INVS: variants seen among roughly 807,000 people sequenced by gnomAD.
INVS encodes inversion of embryo turning homolog.
In INVS, 86 loss-of-function variants were observed where a neutral mutation model predicts 108.8. The observed-to-expected ratio is 0.79, with a 90% CI of 0.66 to 0.95. The LOEUF (loss-of-function observed/expected upper bound fraction) is 0.95. Among genes scored for constraint, INVS ranks in the 40% least tolerant of loss-of-function variants. The probability of loss-of-function intolerance (pLI) is 0.00; values close to 1 mark genes in which losing one functional copy is unlikely to be tolerated. For synonymous variants in INVS, 455 were observed against 473.5 expected (o/e 0.96, Z 0.51); for missense variants, 1,169 against 1,297.4 (o/e 0.90, Z 1.52).
At chr9:100,267,019 TAAAAAAAAAAAAAAAA>T (rs11415703) in intron 11 of INVS, among the ~76,000 whole-genome samples, 1 of 93,124 alleles carries the variant, frequency 1.1e-5, no homozygotes, top group Non-Finnish European at 2.0e-5. Flanking sequence ...TTTGAAACTC[TAAAAAAAAAAAAAAAA>T]AAAAAAAAGA....
At chr9:100,289,790 T>C (rs943100509) in intron 13 of INVS, among the ~76,000 whole-genome samples, 1 of 152,254 alleles carries the variant, frequency 6.6e-6, no homozygotes, top group Non-Finnish European at 1.5e-5. Flanking sequence ...TCTTGGTTGC[T>C]TCCATGTTTT....
intron 3 of INVS, among the ~76,000 whole-genome samples, chr9:100,178,458 C>A (rs533251274): frequency 6.6e-6 from 1 of 151,948 alleles, no homozygotes; most frequent in Non-Finnish European, 1.5e-5. Context: ...CCTGATGGAG[C>A]TAAAAAAACA....
At chr9:100,116,759 G>A (rs1168121103) in intron 2 of INVS, 2 of 1,333,072 alleles carry the variant, frequency 1.5e-6, no homozygotes, top group African/African-American at 2.9e-5. Flanking sequence ...AAAACCCTAT[G>A]TTGTAGCCAC....
At chr9:100,228,752 G>A (rs557115359) in intron 4 of INVS, among the ~76,000 whole-genome samples, 49 of 152,262 alleles carry the variant, frequency 3.2e-4, no homozygotes, top group East Asian at 9.6e-4. Context: ...CTTAGGTTCC[G>A]TGTGCTGTTT....
chr9:100,127,740 T>A (rs1387692256), intron 3 of INVS, among the ~76,000 whole-genome samples: 2 of 152,194 alleles, frequency 1.3e-5, no homozygotes, highest in Non-Finnish European at 2.9e-5. Flanking sequence ...GTTAGGTCTG[T>A]CAGGTTATTT....
At chr9:100,117,853 G>T (rs1412991415) in intron 2 of INVS, among the ~76,000 whole-genome samples, 5 of 151,974 alleles carry the variant, frequency 3.3e-5, no homozygotes, top group Non-Finnish European at 5.9e-5. Flanking sequence ...TGAGGGTTTA[G>T]CCCTCGTGAA....
intron 3 of INVS, chr9:100,131,914 G>A (rs775854196): frequency 4.0e-5 from 39 of 982,928 alleles, no homozygotes; most frequent in South Asian, 9.4e-5. Flanking sequence ...ACAAAAAGGA[G>A]AAAGAATACC....
At chr9:100,257,799 C>T (rs1473731622) in intron 10 of INVS, among the ~76,000 whole-genome samples, 1 of 152,206 alleles carries the variant, frequency 6.6e-6, no homozygotes. Context: ...ATGGGCTTCC[C>T]TTTGTGGGTA....
Position 100,269,173 on chromosome 9 carries a change from T to C in INVS, c.1572-3691T>C, listed in dbSNP as rs114686436. 8.0e-3 allele frequency among the ~76,000 whole-genome samples: 1,218 copies of C among 152,298 alleles called. 7 individuals are homozygous for C. The highest frequency in any genetic ancestry group is 0.028 in the African/African-American group (1,162 of 41,564). ...TATCTTAGTTCTAGTCTGCATTCTATAGAAACAATTTACATAACCTTTGGT... is the reference window on the plus strand; with the variant it reads ...TATCTTAGTTCTAGTCTGCATTCTACAGAAACAATTTACATAACCTTTGGT... On this transcript the variant is annotated intron_variant, in intron 11 of 16. Coordinates refer to ENST00000262457, the MANE Select transcript of INVS (RefSeq NM_014425.5).
chr9:100,213,918 G>A (rs1203592610), intron 3 of INVS, among the ~76,000 whole-genome samples: 1 of 152,118 alleles, frequency 6.6e-6, no homozygotes, highest in Non-Finnish European at 1.5e-5. Context: ...TGCATTCTTG[G>A]CATACCCAGT....
intron 3 of INVS, among the ~76,000 whole-genome samples, chr9:100,165,348 A>G (rs1396572718): frequency 4.6e-5 from 7 of 152,154 alleles, no homozygotes; most frequent in Admixed American, 3.9e-4. Flanking sequence ...GATGTTAACA[A>G]TTAGTGGTGC....
intron 3 of INVS, 76 bp from the exon 4 acceptor site, chr9:100,225,986 T>C: frequency 9.7e-7 from 1 of 1,030,916 alleles, no homozygotes; most frequent in South Asian, 1.5e-5. Flanking sequence ...TTAACATACT[T>C]AAAACATTTT....
chr9:100,292,028 T>C (rs1833632367), intron 13 of INVS, among the ~76,000 whole-genome samples: 1 of 152,184 alleles, frequency 6.6e-6, no homozygotes, highest in Non-Finnish European at 1.5e-5. Context: ...ACATACTTAA[T>C]TGCTTTGATT....
intron 3 of INVS, among the ~76,000 whole-genome samples, chr9:100,146,660 T>G (rs747455143): frequency 1.3e-5 from 2 of 152,230 alleles, no homozygotes; most frequent in Non-Finnish European, 2.9e-5. Context: ...ATTTAATTAT[T>G]AAATTTTTTA....
chr9:100,281,734 C>A (rs1394185109), intron 12 of INVS, among the ~76,000 whole-genome samples: 1 of 144,364 alleles, frequency 6.9e-6, no homozygotes, highest in Non-Finnish European at 1.5e-5. Context: ...TGAAAAATCA[C>A]CCCCCTGGTA....
chr9:100,252,931 A>AC lies in INVS; in HGVS notation c.1261dup (p.Gln421ProfsTer17). The AC allele has an allele frequency of 6.2e-7, 1 of 1,613,474 alleles. No individual in the cohort carries two copies. Among genetic ancestry groups the AC allele is most frequent in the East Asian group, 2.2e-5 (1 of 44,858 alleles). ...GGTGGAGCAAGGGTAGATCTAGTTG[A>AC]CCAAGATGGACATTCTCTTCTACAT... On this transcript the variant is annotated frameshift_variant, in exon 10 of 17. Transcript: ENST00000262457. LOFTEE classifies it high-confidence loss of function.
intron 3 of INVS, among the ~76,000 whole-genome samples, chr9:100,203,081 A>G (rs915739879): frequency 6.6e-6 from 1 of 152,230 alleles, no homozygotes; most frequent in Non-Finnish European, 1.5e-5. Flanking sequence ...TCAGCAAATT[A>G]TATCTCCTAA....
chr9:100,299,844 CA>C, intron 16 of INVS, among the ~76,000 whole-genome samples: 1 of 152,254 alleles, frequency 6.6e-6, no homozygotes, highest in South Asian at 2.1e-4. Flanking sequence ...ATTCAAGATA[CA>C]GTGAAGACAG....
At chr9:100,145,792 C>T (rs574052688) in intron 3 of INVS, among the ~76,000 whole-genome samples, 20 of 152,224 alleles carry the variant, frequency 1.3e-4, no homozygotes, top group African/African-American at 4.6e-4. Context: ...AGTCTGTGAC[C>T]AGCGCCGGAG....
Sources: allele counts gnomAD v4.1 joint callset (sites outside exome capture counted in the v4.1 genomes callset), GRCh38; gene constraint gnomAD v4.1.1; transcripts MANE v1.5; gene names NCBI Gene and HGNC (gene_info 2026-07-23, HGNC 2026-07-21).